The following CTNNA2 variants were observed in gnomAD, a reference collection of about 807,000 sequenced individuals.
CTNNA2 encodes catenin alpha-2.
A neutral mutation model predicts 101.0 loss-of-function variants in CTNNA2; 42 were observed. The ratio of observed to expected loss-of-function variants is 0.42; its 90% CI spans 0.32 to 0.54. CTNNA2 has a LOEUF of 0.54. Among genes scored for constraint, CTNNA2 ranks in the 20% least tolerant of loss-of-function variants. CTNNA2 has a pLI of 0.14. For missense variants in CTNNA2, 871 were observed against 1,223.1 expected, an observed-to-expected ratio of 0.71 and a Z score of 4.29; for synonymous variants, 450 against 456.4, an observed-to-expected ratio of 0.99 and a Z score of 0.18.
chr2:80,239,610 TA>T (rs1709735746), intron 7 of CTNNA2, among the ~76,000 whole-genome samples: 1 of 152,034 alleles, frequency 6.6e-6, no homozygotes. Context: ...CAATAACTAA[TA>T]ATAAAATAGA....
intron 7 of CTNNA2, among the ~76,000 whole-genome samples, chr2:80,193,739 A>G (rs993270667): frequency 3.3e-5 from 5 of 152,194 alleles, no homozygotes; most frequent in African/African-American, 1.2e-4. Flanking sequence ...AGCTCCAGGA[A>G]TTAGAGAAGG....
intron 15 of CTNNA2, among the ~76,000 whole-genome samples, chr2:80,590,362 T>G (rs192110897): frequency 6.6e-6 from 1 of 152,326 alleles, no homozygotes; most frequent in East Asian, 1.9e-4. Flanking sequence ...GAAGAGAGTT[T>G]TAAAATCCAA....
chr2:79,466,988 A>T (rs759751642), intron 4 of CTNNA2, among the ~76,000 whole-genome samples: 4 of 152,244 alleles, frequency 2.6e-5, no homozygotes, highest in Non-Finnish European at 5.9e-5. Context: ...CTCCAAAGGA[A>T]TGCAGCTCCT....
At chr2:80,167,170 G>A (rs1179847694) in intron 7 of CTNNA2, among the ~76,000 whole-genome samples, 2 of 151,992 alleles carry the variant, frequency 1.3e-5, no homozygotes, top group East Asian at 3.9e-4. Flanking sequence ...ACTTACTTTT[G>A]CACCAACCTA....
intron 1 of CTNNA2, among the ~76,000 whole-genome samples, chr2:79,533,139 A>G (rs928783572): frequency 2.0e-5 from 3 of 151,910 alleles, no homozygotes; most frequent in East Asian, 1.9e-4. Flanking sequence ...AAATGCTTCC[A>G]TCTCATTCTC....
chr2:79,270,705 A>G (rs1675062454), intron 2 of CTNNA2, among the ~76,000 whole-genome samples: 1 of 152,086 alleles, frequency 6.6e-6, no homozygotes, highest in Non-Finnish European at 1.5e-5. Flanking sequence ...CACTCTGAAA[A>G]AATGCACTTG....
At chr2:80,605,977 A>G (rs1352720021) in intron 16 of CTNNA2, among the ~76,000 whole-genome samples, 6 of 151,926 alleles carry the variant, frequency 3.9e-5, no homozygotes, top group East Asian at 3.9e-4. Flanking sequence ...ACAGACTTCC[A>G]TAAGTATTCC....
intron 9 of CTNNA2, among the ~76,000 whole-genome samples, chr2:80,524,527 C>T (rs1689856478): frequency 6.6e-6 from 1 of 152,142 alleles, no homozygotes; most frequent in South Asian, 2.1e-4. Flanking sequence ...TGCTGACTTC[C>T]ATCCCAGCCA....
chr2:79,248,429 TATA>T (rs1251090055), intron 2 of CTNNA2, among the ~76,000 whole-genome samples: 2 of 152,030 alleles, frequency 1.3e-5, no homozygotes, highest in African/African-American at 4.8e-5. Context: ...AGTTTTTTAA[TATA>T]ATTTTTTCCT....
chr2:80,071,491 T>G, intron 7 of CTNNA2, among the ~76,000 whole-genome samples: 1 of 152,198 alleles, frequency 6.6e-6, no homozygotes, highest in East Asian at 1.9e-4. Flanking sequence ...CTACAAAGTT[T>G]TATTTAACCC....
intron 7 of CTNNA2, among the ~76,000 whole-genome samples, chr2:80,111,550 C>A (rs1239177585): frequency 6.6e-6 from 1 of 152,094 alleles, no homozygotes; most frequent in Non-Finnish European, 1.5e-5. Flanking sequence ...TATTTCTTTT[C>A]TTTTTTGAGA....
Position 79,494,248 on chromosome 2 carries a change from C to G in CTNNA2, c.-134-10806C>G, listed in dbSNP as rs149334169. On this transcript the variant is annotated intron_variant, in intron 4 of 21. Coordinates refer to the CTNNA2 transcript ENST00000466387. ...CCCAAACTTATCTGCAGATTCAAATCAAATCCTTTAAAAATTCCCAGCTGC... is the reference window on the plus strand; with the variant it reads ...CCCAAACTTATCTGCAGATTCAAATGAAATCCTTTAAAAATTCCCAGCTGC... Among the ~76,000 whole-genome samples, 617 of 147,904 alleles carry G rather than the reference C, an allele frequency of 4.2e-3. 4 individuals carry two copies. Among genetic ancestry groups the G allele is most frequent in the African/African-American group, 0.014 (571 of 40,198 alleles).
intron 2 of CTNNA2, among the ~76,000 whole-genome samples, chr2:79,272,552 G>T (rs1170955164): frequency 6.6e-6 from 1 of 152,084 alleles, no homozygotes; most frequent in Non-Finnish European, 1.5e-5. Context: ...TATTTGACTG[G>T]AGCATAAAAC....
intron 3 of CTNNA2, among the ~76,000 whole-genome samples, chr2:79,351,958 C>G (rs1039860150): frequency 5.9e-5 from 9 of 152,122 alleles, no homozygotes; most frequent in African/African-American, 2.2e-4. Flanking sequence ...ATTTCTGAGT[C>G]AAATGGTAGT....
chr2:79,467,755 G>A (rs980583521), intron 4 of CTNNA2, among the ~76,000 whole-genome samples: 38 of 152,282 alleles, frequency 2.5e-4, no homozygotes, highest in African/African-American at 8.4e-4. Context: ...TTTCAACCCA[G>A]AATTTCATAT....
At chr2:79,881,275 A>C (rs1049718764) in intron 6 of CTNNA2, among the ~76,000 whole-genome samples, 1 of 152,198 alleles carries the variant, frequency 6.6e-6, no homozygotes. Context: ...ACTGAGAAGA[A>C]TGTATATTCT....
At chr2:80,091,012 A>T (rs1699761111) in intron 7 of CTNNA2, among the ~76,000 whole-genome samples, 1 of 152,126 alleles carries the variant, frequency 6.6e-6, no homozygotes, top group South Asian at 2.1e-4. Flanking sequence ...GGTCTATTTC[A>T]TGTCTTCACA....
intron 7 of CTNNA2, among the ~76,000 whole-genome samples, chr2:79,915,914 G>T (rs189846191): frequency 5.3e-5 from 8 of 152,270 alleles, no homozygotes; most frequent in African/African-American, 1.2e-4. Context: ...GAAACCTTCC[G>T]AAGGGACTGT....
At chr2:79,939,342 G>T (rs938196862) in intron 7 of CTNNA2, among the ~76,000 whole-genome samples, 1 of 152,024 alleles carries the variant, frequency 6.6e-6, no homozygotes, top group Non-Finnish European at 1.5e-5. Context: ...TTTTCCATCC[G>T]TCTGTCCATT....
Sources: gnomAD v4.1 joint callset for allele counts (sites outside exome capture counted in the v4.1 genomes callset) on GRCh38, gnomAD v4.1.1 for gene constraint, MANE v1.5 for transcripts, NCBI Gene and HGNC (gene_info 2026-07-23, HGNC 2026-07-21) for gene names.